Variants in PDZRN4 observed in about 807,000 individuals in gnomAD.
The protein encoded by PDZRN4 is PDZ domain containing ring finger 4, also known as PDZ domain-containing RING finger protein 4.
PDZRN4 carries 70 observed loss-of-function variants against 99.0 expected under a neutral mutation model. The observed-to-expected ratio is 0.71, with a 90% CI of 0.58 to 0.86. PDZRN4 has a LOEUF of 0.86. Ranked by LOEUF, PDZRN4 falls within the 40% of genes least tolerant of loss-of-function variation. The pLI, the probability that PDZRN4 is intolerant of heterozygous loss-of-function variation, is 0.00. For synonymous variants in PDZRN4, 551 were observed against 501.6 expected (o/e 1.10, Z -1.32); for missense variants, 1,474 against 1,331.2 (o/e 1.11, Z -1.67).
chr12:41,472,506 CTT>C (rs1483841235), intron 3 of PDZRN4, among the ~76,000 whole-genome samples: 1 of 151,940 alleles, frequency 6.6e-6, no homozygotes, highest in East Asian at 1.9e-4. Flanking sequence ...CTCAAATGAT[CTT>C]TTATTAATTT....
rs192895064 is a variant in PDZRN4 at position 41,402,094 on chromosome 12, A to G, written c.844-104362A>G. Among the ~76,000 whole-genome samples the G allele has an allele frequency of 9.5e-3, 1,160 of 122,378 alleles. 18 individuals carry two copies. Among genetic ancestry groups the G allele is most frequent in the Middle Eastern group, 0.02 (5 of 254 alleles). 80.3% of individuals were successfully genotyped at this position (122,378 alleles called of 152,430 possible). On this transcript the variant is annotated intron_variant, in intron 3 of 9. Transcript: ENST00000402685. ...GGAAAAGAAAAAAAAAAAGAAATAT[A>G]TATATATATATACACACTGAGTATA... is the stretch of plus-strand genomic sequence containing the variant.
intron 3 of PDZRN4, among the ~76,000 whole-genome samples, chr12:41,378,239 C>A (rs1952095814): frequency 6.6e-6 from 1 of 152,140 alleles, no homozygotes; most frequent in African/African-American, 2.4e-5. Flanking sequence ...ATTATCATTA[C>A]AGATTTTCAT....
chr12:41,573,386 G>T lies in PDZRN4; in HGVS notation c.2607G>T (p.Gln869His), dbSNP rs764688401. The T allele has an allele frequency of 6.2e-7, 1 of 1,613,450 alleles. No homozygotes were observed. Among genetic ancestry groups the T allele is most frequent in the East Asian group, 2.2e-5 (1 of 44,866 alleles). Residue 869 changes from glutamine (Q) to histidine (H), a missense_variant, in exon 10 of 10, where the codon CAG (glutamine) becomes CAT (histidine). Physicochemically the swap from Gln to His is conservative, Grantham distance 24 (BLOSUM62 0). Coordinates refer to ENST00000402685, the MANE Select transcript of PDZRN4 (RefSeq NM_001164595.2). ...CTGCAGTCGAGTATGCTCAGAGTCA[G>T]CTCAGCTTGGTGAGCATGTGCAAGG... ...QKSAVEYAQS[Q>H]LSLVSMCKES... is the part of the protein sequence containing the mutation.
intron 3 of PDZRN4, among the ~76,000 whole-genome samples, chr12:41,274,599 T>A (rs893462627): frequency 6.6e-6 from 1 of 152,176 alleles, no homozygotes; most frequent in Non-Finnish European, 1.5e-5. Context: ...ACATTGACAT[T>A]ATCTCTACCT....
At chr12:41,386,234 T>A (rs1256860220) in intron 3 of PDZRN4, among the ~76,000 whole-genome samples, 1 of 152,152 alleles carries the variant, frequency 6.6e-6, no homozygotes. Flanking sequence ...GCAGGAAGCA[T>A]TCCCCTTGAA....
intron 5 of PDZRN4, among the ~76,000 whole-genome samples, chr12:41,544,904 G>C (rs1938919852): frequency 1.3e-5 from 2 of 152,120 alleles, no homozygotes; most frequent in African/African-American, 4.8e-5. Context: ...CTTTTGACTT[G>C]CTGTGTGACT....
chr12:41,438,123 T>A, intron 3 of PDZRN4: 1 of 1,342,016 alleles, frequency 7.5e-7, no homozygotes, highest in Non-Finnish European at 1.1e-6. Context: ...CATTTCAGAA[T>A]TGAGGGCAGA....
At chr12:41,349,293 A>G (rs1047661336) in intron 3 of PDZRN4, among the ~76,000 whole-genome samples, 1 of 151,896 alleles carries the variant, frequency 6.6e-6, no homozygotes, top group African/African-American at 2.4e-5. Context: ...GGGAATTTCC[A>G]CTACAATTTA....
rs184462758 is a variant in PDZRN4, at chr12:41,234,039, A to T, written c.843+39851A>T. Among the ~76,000 whole-genome samples, 32 of 152,084 alleles carry T rather than the reference A, an allele frequency of 2.1e-4. No homozygotes were observed. The East Asian group carries it at 5.8e-3, about 28-fold the overall frequency. On this transcript the variant is annotated intron_variant, in intron 3 of 9. Coordinates refer to ENST00000402685, the MANE Select transcript of PDZRN4 (RefSeq NM_001164595.2). Reference sequence around the variant, plus strand: ...GTCAGAAAGCAATATTGGCCCTTTGAGGAATATTCATTTTAGTGAATTTAT... The same window carrying T: ...GTCAGAAAGCAATATTGGCCCTTTGTGGAATATTCATTTTAGTGAATTTAT...
intron 3 of PDZRN4, among the ~76,000 whole-genome samples, chr12:41,463,140 A>G (rs1034255175): frequency 6.6e-6 from 1 of 152,232 alleles, no homozygotes; most frequent in African/African-American, 2.4e-5. Context: ...GTATTTTAAG[A>G]CTGCAAAGCT....
intron 3 of PDZRN4, among the ~76,000 whole-genome samples, chr12:41,233,787 G>T (rs916574620): frequency 1.3e-5 from 2 of 151,892 alleles, no homozygotes; most frequent in Admixed American, 6.6e-5. Flanking sequence ...CAGGACTGTT[G>T]TGTGGTGGGG....
chr12:41,188,865 C>A lies in PDZRN4; in HGVS notation c.410C>A (p.Pro137His). Reference sequence around the variant, plus strand: ...GCGCGGGGGGGCTGCGGTCCGACACCCAGGGCTGGCCGGGGCGGGGGCGCG... The same window carrying A: ...GCGCGGGGGGGCTGCGGTCCGACACACAGGGCTGGCCGGGGCGGGGGCGCG... ...VPARGGCGPT[P>H]RAGRGGGARG... The change falls in exon 1 of 10, where the codon CCC becomes CAC. Residue 137 changes from proline (P) to histidine (H), a missense_variant. By Grantham distance (77) the Pro-to-His change is moderately conservative (BLOSUM62 -2). Coordinates refer to ENST00000402685, the MANE Select transcript of PDZRN4 (RefSeq NM_001164595.2). 8.4e-7 allele frequency: 1 copy of A among 1,186,690 alleles called. No homozygotes were observed. The highest frequency in any genetic ancestry group is 3.6e-5 in the East Asian group (1 of 27,988). The allele number at this position is 1,186,690 out of a possible 1,614,324, so 73.5% of individuals were successfully genotyped here.
intron 3 of PDZRN4, among the ~76,000 whole-genome samples, chr12:41,194,987 T>C (rs1950762046): frequency 6.6e-6 from 1 of 152,332 alleles, no homozygotes; most frequent in African/African-American, 2.4e-5. Flanking sequence ...TGTCATTATC[T>C]TTTATATGAA....
intron 5 of PDZRN4, among the ~76,000 whole-genome samples, chr12:41,517,295 T>C (rs1408868955): frequency 6.6e-6 from 1 of 152,104 alleles, no homozygotes; most frequent in Non-Finnish European, 1.5e-5. Flanking sequence ...ATACTACATA[T>C]ATGACTTTTA....
At chr12:41,507,278 G>T (rs1413125002) in intron 4 of PDZRN4, among the ~76,000 whole-genome samples, 1 of 152,078 alleles carries the variant, frequency 6.6e-6, no homozygotes, top group Non-Finnish European at 1.5e-5. Flanking sequence ...ATCAAATAAA[G>T]ATCTATTCAA....
At chr12:41,294,966 A>T (rs374878941) in intron 3 of PDZRN4, among the ~76,000 whole-genome samples, 2 of 152,070 alleles carry the variant, frequency 1.3e-5, no homozygotes, top group Non-Finnish European at 2.9e-5. Flanking sequence ...AAAGAGCCCA[A>T]AGTTTTCTAG....
intron 7 of PDZRN4, 64 bp downstream of exon 7, chr12:41,555,824 T>C (rs1463343434): frequency 7.6e-7 from 1 of 1,309,498 alleles, no homozygotes; most frequent in African/African-American, 1.5e-5. Context: ...TTTTACTTTG[T>C]TTCTTGTAAA....
intron 3 of PDZRN4, among the ~76,000 whole-genome samples, chr12:41,227,895 A>T: frequency 6.6e-6 from 1 of 151,144 alleles, no homozygotes; most frequent in Non-Finnish European, 1.5e-5. Flanking sequence ...ACACACACAC[A>T]CACACACACA....
At chr12:41,436,698 A>T (rs577214970) in intron 3 of PDZRN4, among the ~76,000 whole-genome samples, 1 of 152,304 alleles carries the variant, frequency 6.6e-6, no homozygotes, top group African/African-American at 2.4e-5. Flanking sequence ...TCTTTAAGGG[A>T]CAAAAACTGC....
Sources: allele counts gnomAD v4.1 joint callset (sites outside exome capture counted in the v4.1 genomes callset), GRCh38; gene constraint gnomAD v4.1.1; transcripts MANE v1.5; gene names NCBI Gene and HGNC (gene_info 2026-07-23, HGNC 2026-07-21).